Variants in UBE2V2 observed in about 807,000 individuals in gnomAD.
The protein encoded by UBE2V2 is ubiquitin conjugating enzyme E2 V2.
UBE2V2 carries 9 observed loss-of-function variants against 17.2 expected under a neutral mutation model. That is an observed-to-expected ratio of 0.52 (90% CI 0.32 to 0.91). The LOEUF (loss-of-function observed/expected upper bound fraction) is 0.91. Among genes scored for constraint, UBE2V2 ranks in the 40% least tolerant of loss-of-function variants. The pLI, the probability that UBE2V2 is intolerant of heterozygous loss-of-function variation, is 0.04. For synonymous variants in UBE2V2, 61 were observed against 57.5 expected (o/e 1.06, Z -0.28); for missense variants, 133 against 182.6 (o/e 0.73, Z 1.56).
At chr8:48,050,327 C>CATCCT (rs1563859182) in intron 3 of UBE2V2, 2 of 153,394 alleles carry the variant, frequency 1.3e-5, no homozygotes, top group South Asian at 4.1e-4. Context: ...CTCTGCCTCC[C>CATCCT]GGCTTCAAGT....
At chr8:48,027,710 G>A (rs1447353937) in intron 1 of UBE2V2, among the ~76,000 whole-genome samples, 1 of 152,078 alleles carries the variant, frequency 6.6e-6, no homozygotes, top group African/African-American at 2.4e-5. Flanking sequence ...ATGTTGCCCA[G>A]GGTGGTCTTG....
chr8:48,027,876 G>A (rs1341536523), intron 1 of UBE2V2, among the ~76,000 whole-genome samples: 1 of 151,640 alleles, frequency 6.6e-6, no homozygotes, highest in Non-Finnish European at 1.5e-5. Context: ...TTGTTTTTGA[G>A]ACGGAGTCTC....
intron 1 of UBE2V2, among the ~76,000 whole-genome samples, chr8:48,023,483 T>TGG: frequency 6.6e-6 from 1 of 152,090 alleles, no homozygotes; most frequent in Non-Finnish European, 1.5e-5. Context: ...CCCAAAGTGC[T>TGG]GGGATCACAG....
chr8:48,011,993 T>C (rs2091235128), intron 1 of UBE2V2, among the ~76,000 whole-genome samples: 1 of 152,134 alleles, frequency 6.6e-6, no homozygotes, highest in Admixed American at 6.6e-5. Context: ...TCCCATCTGG[T>C]CTTCTTATTT....
intron 1 of UBE2V2, 41 bp downstream of exon 1, chr8:48,008,511 C>A (rs752606158): frequency 6.4e-7 from 1 of 1,552,790 alleles, no homozygotes; most frequent in South Asian, 1.2e-5. Context: ...CCGCTCCGAC[C>A]CGGCTCTGCC....
upstream of UBE2V2, among the ~76,000 whole-genome samples, chr8:48,003,732 A>C (rs2091166772): frequency 6.6e-6 from 1 of 152,244 alleles, no homozygotes; most frequent in African/African-American, 2.4e-5. Context: ...AGAGCAGATC[A>C]GTTTAATGAA....
intron 1 of UBE2V2, among the ~76,000 whole-genome samples, chr8:48,037,126 C>T (rs1221364604): frequency 2.0e-5 from 3 of 152,234 alleles, no homozygotes; most frequent in South Asian, 4.1e-4. Context: ...TTGCAGTGAG[C>T]CGAGATCGTG....
At chr8:48,028,938 C>T (rs2091365015) in intron 1 of UBE2V2, among the ~76,000 whole-genome samples, 1 of 152,044 alleles carries the variant, frequency 6.6e-6, no homozygotes, top group African/African-American at 2.4e-5. Flanking sequence ...TGATGTTGTC[C>T]TTTGGAACCC....
At chr8:48,046,765 TTGTGTGTG>T (rs560412645) in intron 2 of UBE2V2, among the ~76,000 whole-genome samples, 1 of 150,288 alleles carries the variant, frequency 6.7e-6, no homozygotes, top group Non-Finnish European at 1.5e-5. Flanking sequence ...CCTGGCTAAT[TTGTGTGTG>T]TGTGTGTGTA....
intron 1 of UBE2V2, among the ~76,000 whole-genome samples, chr8:48,012,666 C>T (rs981843417): frequency 4.0e-5 from 6 of 150,892 alleles, no homozygotes; most frequent in East Asian, 2.0e-4. Flanking sequence ...TGTGGTGAGC[C>T]GAGAGCACGC....
rs992528091 is a variant in UBE2V2 at position 48,061,918 on chromosome 8, T to A, written c.*1090T>A. On this transcript the variant is annotated 3_prime_UTR_variant, in exon 4 of 4. Coordinates refer to ENST00000523111, the MANE Select transcript of UBE2V2 (RefSeq NM_003350.3). ...AATATCTTTTTTAGTTGTTTTTCTGTGAAGCTTTTGGTTAATAAATAGGGT... is the reference window on the plus strand; with the variant it reads ...AATATCTTTTTTAGTTGTTTTTCTGAGAAGCTTTTGGTTAATAAATAGGGT... 1.3e-5 allele frequency: 2 copies of A among 152,228 alleles called. No individual in the cohort carries two copies. Among genetic ancestry groups the A allele is most frequent in the African/African-American group, 4.8e-5 (2 of 41,456 alleles). 9.4% of individuals were successfully genotyped at this position (152,228 alleles called of 1,614,324 possible).
At chr8:48,054,290 G>A (rs558266927) in intron 3 of UBE2V2, among the ~76,000 whole-genome samples, 8 of 152,142 alleles carry the variant, frequency 5.3e-5, no homozygotes, top group South Asian at 2.1e-4. Flanking sequence ...GAAGTGTGCC[G>A]TGGCGTGGGG....
In UBE2V2 at chr8:48,021,158, A is replaced by G. The variant is rs568937913; in HGVS notation, c.16+12688A>G. On this transcript the variant is annotated intron_variant, in intron 1 of 3. Transcript: ENST00000523111. ...AATGGCGTGATCCCGGCTCACTGCA[A>G]CCTCTGCCTCCTGGGTTCAAGCAAT... is the stretch of plus-strand genomic sequence containing the variant. Among the ~76,000 whole-genome samples, 439 of 149,320 alleles carry G rather than the reference A, an allele frequency of 2.9e-3. 2 individuals are homozygous for G. Among genetic ancestry groups the G allele is most frequent in the African/African-American group, 0.011 (429 of 40,448 alleles).
intron 1 of UBE2V2, among the ~76,000 whole-genome samples, chr8:48,027,811 A>G (rs888534103): frequency 2.6e-5 from 4 of 152,146 alleles, no homozygotes; most frequent in African/African-American, 7.2e-5. Flanking sequence ...TTTACTGGCT[A>G]TTTATATATC....
intron 3 of UBE2V2, among the ~76,000 whole-genome samples, chr8:48,057,941 T>G (rs1021115006): frequency 1.3e-5 from 2 of 152,154 alleles, no homozygotes; most frequent in African/African-American, 4.8e-5. Context: ...ATAGAGGTAG[T>G]TTTACTTCTT....
chr8:48,046,126 AT>A lies in UBE2V2; in HGVS notation c.165+2956del, dbSNP rs879557233. 7.3e-4 allele frequency among the ~76,000 whole-genome samples: 107 copies of A among 146,624 alleles called. 1 individual carries two copies. Among genetic ancestry groups the A allele is most frequent in the African/African-American group, 1.2e-3 (47 of 40,034 alleles). On this transcript the variant is annotated intron_variant, in intron 2 of 3. Coordinates refer to ENST00000523111, the MANE Select transcript of UBE2V2 (RefSeq NM_003350.3). ...CACTCCCAGCTAATTTTGTATTTTTATTTTTTTTTTTGAGACGGAGTCTTGC... is the reference window on the plus strand; with the variant it reads ...CACTCCCAGCTAATTTTGTATTTTTATTTTTTTTTTGAGACGGAGTCTTGC...
intron 1 of UBE2V2, among the ~76,000 whole-genome samples, chr8:48,036,252 G>A (rs573045832): frequency 2.7e-4 from 40 of 150,872 alleles, no homozygotes; most frequent in Middle Eastern, 6.8e-3. Flanking sequence ...ACCACACCTG[G>A]CCAATTAAAA....
chr8:48,033,407 A>G (rs922381154), intron 1 of UBE2V2, among the ~76,000 whole-genome samples: 2 of 151,852 alleles, frequency 1.3e-5, no homozygotes, highest in Admixed American at 1.3e-4. Context: ...GCTGGTCTCG[A>G]ACTCCTGGAC....
chr8:48,000,955 G>A, the UBE2V2 span, among the ~76,000 whole-genome samples: 1 of 151,082 alleles, frequency 6.6e-6, no homozygotes, highest in South Asian at 2.1e-4. Context: ...TTGATGCATT[G>A]ACGACTTGAG....
Sources: gnomAD v4.1 joint callset for allele counts (sites outside exome capture counted in the v4.1 genomes callset) on GRCh38, gnomAD v4.1.1 for gene constraint, MANE v1.5 for transcripts, NCBI Gene and HGNC (gene_info 2026-07-23, HGNC 2026-07-21) for gene names.